Variants in ATG7 observed in about 807,000 individuals in gnomAD.
ATG7 encodes the protein ubiquitin-like modifier-activating enzyme ATG7.
In ATG7, 70 loss-of-function variants were observed where a neutral mutation model predicts 82.4. The observed-to-expected ratio is 0.85, with a 90% CI of 0.70 to 1.04. ATG7 has a LOEUF of 1.04. ATG7 is among the 50% of genes least tolerant of loss of function. ATG7 has a pLI of 0.00. For synonymous variants in ATG7, 287 were observed against 313.0 expected, an observed-to-expected ratio of 0.92 and a Z score of 0.88; for missense variants, 792 against 864.3, an observed-to-expected ratio of 0.92 and a Z score of 1.05.
chr3:11,363,755 A>G (rs928928415), intron 17 of ATG7, among the ~76,000 whole-genome samples: 4 of 152,200 alleles, frequency 2.6e-5, no homozygotes, highest in African/African-American at 9.7e-5. Flanking sequence ...GCAGCAGAAA[A>G]TCGAATTTTT....
In ATG7 at chr3:11,302,382, C is replaced by T. The variant is rs183328225; in HGVS notation, c.215+2966C>T. On this transcript the variant is annotated intron_variant, in intron 5 of 20. Coordinates refer to ENST00000693202, the MANE Select transcript of ATG7 (RefSeq NM_001349232.2). ...TCTCAGAAGGCCTGATTTCTTTATTCCAAATTATTTCCTTTATTATTACCC... is the reference window on the plus strand; with the variant it reads ...TCTCAGAAGGCCTGATTTCTTTATTTCAAATTATTTCCTTTATTATTACCC... Among the ~76,000 whole-genome samples, 43 of 152,278 alleles carry T rather than the reference C, an allele frequency of 2.8e-4. 1 individual carries two copies. Among genetic ancestry groups the T allele is most frequent in the Middle Eastern group, 3.4e-3 (1 of 294 alleles).
chr3:11,486,136 A>T (rs1402001062), intron 20 of ATG7, among the ~76,000 whole-genome samples: 8 of 152,114 alleles, frequency 5.3e-5, no homozygotes, highest in Admixed American at 3.9e-4. Context: ...CTTGGGCAGT[A>T]TGGCCATTTT....
At chr3:11,480,614 C>T (rs552115516) in intron 20 of ATG7, among the ~76,000 whole-genome samples, 10 of 152,308 alleles carry the variant, frequency 6.6e-5, no homozygotes, top group African/African-American at 2.4e-4. Context: ...CACTGGTTTC[C>T]TCGACTTCAC....
At chr3:11,493,466 G>A (rs747938289) in intron 20 of ATG7, among the ~76,000 whole-genome samples, 8 of 152,218 alleles carry the variant, frequency 5.3e-5, no homozygotes, top group Non-Finnish European at 1.0e-4. Context: ...GAGAGAGCAG[G>A]CAAACAGGAG....
chr3:11,556,336 CT>C lies in ATG7; in HGVS notation c.*1494del, dbSNP rs2072405758. The C allele has an allele frequency of 6.5e-6, 1 of 152,768 alleles. No individual in the cohort carries two copies. The highest frequency in any genetic ancestry group is 6.5e-5 in the Admixed American group (1 of 15,276). The allele number at this position is 152,768 out of a possible 1,614,324, so 9.5% of individuals were successfully genotyped here. A position where few individuals can be genotyped will look rare whatever the true frequency, so the allele number is the denominator to read the frequency against. ...GCTGCCTCCTCTGCCCCAGGCCCCC[CT>C]CCAGGGTACTGCCTATCCCAGATAG... On this transcript the variant is annotated 3_prime_UTR_variant, in exon 21 of 21. Transcript: ENST00000693202.
At chr3:11,447,092 A>G (rs549952022) in intron 20 of ATG7, among the ~76,000 whole-genome samples, 4 of 152,222 alleles carry the variant, frequency 2.6e-5, no homozygotes, top group Admixed American at 2.6e-4. Flanking sequence ...AGTCATTTTC[A>G]GTGAAAAACC....
At chr3:11,289,090 T>C (rs1239518239) in intron 3 of ATG7, among the ~76,000 whole-genome samples, 1 of 152,218 alleles carries the variant, frequency 6.6e-6, no homozygotes, top group Non-Finnish European at 1.5e-5. Context: ...CATTGATGCC[T>C]ATGTTAATTT....
the ATG7 span, among the ~76,000 whole-genome samples, chr3:11,573,360 AAAGAAAGAAAG>A: frequency 9.4e-6 from 1 of 105,844 alleles, no homozygotes; most frequent in East Asian, 2.4e-4. Context: ...AGAAAGAAAG[AAAGAAAGAAAG>A]AAAGAAAGAA....
chr3:11,490,600 T>C (rs1407925757), intron 20 of ATG7, among the ~76,000 whole-genome samples: 6 of 152,362 alleles, frequency 3.9e-5, no homozygotes, highest in East Asian at 1.9e-4. Flanking sequence ...GATTTTGCAG[T>C]GGCTGGTACC....
intron 9 of ATG7, among the ~76,000 whole-genome samples, chr3:11,330,073 G>C (rs1376772111): frequency 6.6e-6 from 1 of 152,082 alleles, no homozygotes; most frequent in Non-Finnish European, 1.5e-5. Context: ...CTGGGGTTAT[G>C]GGTTTTTGGA....
intron 20 of ATG7, among the ~76,000 whole-genome samples, chr3:11,532,390 G>A (rs1043789145): frequency 3.3e-5 from 5 of 152,248 alleles, no homozygotes; most frequent in Non-Finnish European, 5.9e-5. Flanking sequence ...AAGAGGAGGT[G>A]GAGGCAGAGA....
chr3:11,575,477 G>C, the ATG7 span, among the ~76,000 whole-genome samples: 1 of 152,190 alleles, frequency 6.6e-6, no homozygotes, highest in Admixed American at 6.5e-5. Context: ...CCTTGAGACT[G>C]GAAGGAGCTC....
At chr3:11,533,434 G>A (rs956204596) in intron 20 of ATG7, among the ~76,000 whole-genome samples, 1 of 150,538 alleles carries the variant, frequency 6.6e-6, no homozygotes, top group Non-Finnish European at 1.5e-5. Context: ...AGGCCCATAC[G>A]TTAGCTTGCT....
intron 20 of ATG7, among the ~76,000 whole-genome samples, chr3:11,545,800 C>G (rs1431153313): frequency 6.6e-6 from 1 of 152,232 alleles, no homozygotes; most frequent in Admixed American, 6.5e-5. Context: ...GTAGCCACCC[C>G]CTGGCAGTGC....
intron 14 of ATG7, 23 bp from the exon 15 acceptor site, chr3:11,358,395 A>G (rs766242949): frequency 5.6e-5 from 89 of 1,602,044 alleles, no homozygotes; most frequent in Non-Finnish European, 7.3e-5. Context: ...TCCAGACATA[A>G]CTACGTCCTG....
intron 20 of ATG7, among the ~76,000 whole-genome samples, chr3:11,511,740 C>G (rs574350998): frequency 6.6e-6 from 1 of 152,258 alleles, no homozygotes; most frequent in Admixed American, 6.5e-5. Flanking sequence ...AGCCCTGCCC[C>G]GAGGGAAGGC....
chr3:11,454,880 G>T (rs1337950245), intron 20 of ATG7, among the ~76,000 whole-genome samples: 1 of 152,138 alleles, frequency 6.6e-6, no homozygotes, highest in Non-Finnish European at 1.5e-5. Flanking sequence ...TTACAGAAAG[G>T]TCTATAGGAT....
intron 20 of ATG7, among the ~76,000 whole-genome samples, chr3:11,447,215 C>T (rs2084650330): frequency 1.3e-5 from 2 of 152,176 alleles, no homozygotes; most frequent in African/African-American, 4.8e-5. Flanking sequence ...CCTGTAATCC[C>T]AGCACTTTGG....
chr3:11,509,363 T>C (rs1274687502), intron 20 of ATG7, among the ~76,000 whole-genome samples: 3 of 152,126 alleles, frequency 2.0e-5, no homozygotes, highest in African/African-American at 7.2e-5. Context: ...GGGAGCTGTT[T>C]TTTTTCTGAT....
Sources: allele counts gnomAD v4.1 joint callset (sites outside exome capture counted in the v4.1 genomes callset), GRCh38; gene constraint gnomAD v4.1.1; transcripts MANE v1.5; gene names NCBI Gene and HGNC (gene_info 2026-07-23, HGNC 2026-07-21).